EIF4G2: variants seen among roughly 807,000 people sequenced by gnomAD.
EIF4G2 encodes the protein DAP-5.
EIF4G2 carries 8 observed loss-of-function variants against 117.7 expected under a neutral mutation model. The ratio of observed to expected loss-of-function variants is 0.07; its 90% CI spans 0.04 to 0.12. The LOEUF (loss-of-function observed/expected upper bound fraction) is 0.12, where lower values mean the gene tolerates loss of function less well. Ranked by LOEUF, EIF4G2 falls within the 10% of genes least tolerant of loss-of-function variation. The pLI is 1.00. For missense variants in EIF4G2, 812 were observed against 1,086.2 expected (o/e 0.75, Z 3.55); for synonymous variants, 413 against 367.8 (o/e 1.12, Z -1.41).
intron 11 of EIF4G2, 138 bp downstream of exon 11, chr11:10,802,892 G>A (rs1847468527): frequency 2.4e-5 from 17 of 704,224 alleles, no homozygotes; most frequent in Non-Finnish European, 3.6e-5. Flanking sequence ...AAAAGTGGAA[G>A]ACGAGACACT....
Position 10,797,771 on chromosome 11 carries a change from A to G in EIF4G2, c.*45T>C. 2 of 1,594,030 alleles carry G rather than the reference A, an allele frequency of 1.3e-6. No homozygotes were observed. The highest frequency in any genetic ancestry group is 1.7e-6 in the Non-Finnish European group (2 of 1,163,166). Reference sequence around the variant, plus strand: ...TGGTTAGGTCAAATGCAGTTACATCATAGCAACAGTATGTTTTGCACAATT... The same window carrying G: ...TGGTTAGGTCAAATGCAGTTACATCGTAGCAACAGTATGTTTTGCACAATT... On this transcript the variant is annotated 3_prime_UTR_variant, in exon 22 of 22. Transcript: ENST00000339995. The surrounding 1 kb of genome is among the most constrained non-coding windows in gnomAD (Gnocchi z 4.5).
chr11:10,802,487 T>C, intron 11 of EIF4G2, 52 bp from the exon 12 acceptor site: 1 of 1,484,468 alleles, frequency 6.7e-7, no homozygotes, highest in South Asian at 1.4e-5. Flanking sequence ...CTATTTCACT[T>C]AAAACTAAAA....
At position 10,807,268 on chromosome 11, in the gene EIF4G2, C is replaced by T. The variant is rs1438269954; in HGVS notation, c.28G>A (p.Ala10Thr). The T allele has an allele frequency of 1.9e-6, 3 of 1,611,294 alleles. No homozygotes were observed. Among genetic ancestry groups the T allele is most frequent in the Non-Finnish European group, 1.7e-6 (2 of 1,179,238 alleles). The change falls in exon 2 of 22, where the codon GCT (alanine) becomes ACT (threonine). Residue 10 changes from alanine to threonine, a missense_variant. Physicochemically the swap from Ala to Thr is moderately conservative, Grantham distance 58. Around this residue, in one of 4 missense-constraint regions of EIF4G2, gnomAD observed 79 missense variants for 91.5 expected, o/e 0.86. Transcript: ENST00000339995. ...ATCTACAAGTACCTGAAACGAGAAG[C>T]ACCCCCTTCTGCAATCGCACTCTCC...
chr11:10,806,778 C>T (rs536897113), intron 3 of EIF4G2, 42 bp downstream of exon 3: 6 of 1,601,752 alleles, frequency 3.7e-6, no homozygotes, highest in Non-Finnish European at 4.3e-6. Flanking sequence ...GACTTTTAAT[C>T]TGTTAAATAA....
chr11:10,802,912 A>C (rs1395452403), intron 11 of EIF4G2, 118 bp downstream of exon 11: 1 of 818,826 alleles, frequency 1.2e-6, no homozygotes, highest in Non-Finnish European at 1.9e-6. Context: ...TAAAAACATT[A>C]AGCTCCACCA....
intron 21 of EIF4G2, 121 bp downstream of exon 21, chr11:10,798,871 G>GT (rs1416393096): frequency 8.6e-7 from 1 of 1,163,166 alleles, no homozygotes; most frequent in Non-Finnish European, 1.2e-6. Context: ...AAATGTACAG[G>GT]TGAAGACAAA....
rs1847557264 is a variant in EIF4G2, at chr11:10,805,989, T to G, written c.166A>C (p.Thr56Pro). Reference sequence around the variant, plus strand: ...GCTGCGGAGTTGTCATCTCGTCTAGTGCTTCGTGCAGGAATCCATTTCTGA... The same window carrying G: ...GCTGCGGAGTTGTCATCTCGTCTAGGGCTTCGTGCAGGAATCCATTTCTGA... The change falls in exon 4 of 22, where the codon ACT (threonine) becomes CCT (proline). Residue 56 changes from threonine (T) to proline (P), a missense_variant. Physicochemically the swap from Thr to Pro is conservative, Grantham distance 38. Around this residue, in one of 4 missense-constraint regions of EIF4G2, gnomAD observed 79 missense variants for 91.5 expected, o/e 0.86. Transcript: ENST00000339995. 6.2e-7 allele frequency: 1 copy of G among 1,614,138 alleles called. No homozygotes were observed. Among genetic ancestry groups the G allele is most frequent in the Non-Finnish European group, 8.5e-7 (1 of 1,180,038 alleles).
At chr11:10,805,340 T>C (rs1373802566) in intron 4 of EIF4G2, among the ~76,000 whole-genome samples, 1 of 152,210 alleles carries the variant, frequency 6.6e-6, no homozygotes, top group Admixed American at 6.5e-5. Flanking sequence ...TTAAATAACA[T>C]AGCACTTCCC....
rs937130759 is a variant in EIF4G2, at chr11:10,807,590, A to G, written c.-86-209T>C. On this transcript the variant is annotated intron_variant, in intron 1 of 21. Transcript: ENST00000339995. Reference sequence around the variant, plus strand: ...GTTCAAGGATGCAAAGAGACTTCGTAGAACACAAGAGCATTTTAAACGGCT... The same window carrying G: ...GTTCAAGGATGCAAAGAGACTTCGTGGAACACAAGAGCATTTTAAACGGCT... 48 of 1,203,866 alleles carry G rather than the reference A, an allele frequency of 4.0e-5. No individual in the cohort carries two copies. The Middle Eastern group carries it at 1.3e-3, about 33-fold the overall frequency. The allele number at this position is 1,203,866 out of a possible 1,614,324, so 74.6% of individuals were successfully genotyped here.
chr11:10,806,267 G>A (rs1847566042), intron 3 of EIF4G2: 6 of 602,304 alleles, frequency 1.0e-5, no homozygotes, highest in East Asian at 2.9e-5. Context: ...TGCTTTCACT[G>A]GTTTGGGGTG....
rs1847670545 is a variant in EIF4G2 at position 10,808,707 on chromosome 11, TCAC to T, written c.-92_-90del. The T allele has an allele frequency of 5.3e-6, 1 of 189,194 alleles. No homozygotes were observed. Among genetic ancestry groups the T allele is most frequent in the Non-Finnish European group, 1.1e-5 (1 of 89,788 alleles). The allele number at this position is 189,194 out of a possible 1,614,324, so 11.7% of individuals were successfully genotyped here. On this transcript the variant is annotated 5_prime_UTR_variant, in exon 1 of 22. Coordinates refer to ENST00000339995, the MANE Select transcript of EIF4G2 (RefSeq NM_001418.4). Reference sequence around the variant, plus strand: ...GCGGCGGCAGCGGCTCAACTCACCTTCACCGAGAACTCAGCAGCTGCCACCGCA... The same window carrying T: ...GCGGCGGCAGCGGCTCAACTCACCTTCGAGAACTCAGCAGCTGCCACCGCA...
In EIF4G2 at chr11:10,807,035, A is replaced by G. The variant is rs957279225; in HGVS notation, c.42-150T>C. ...GCCAGGCCTGTATTTTAGTGCTTGT[A>G]TATTATGCTACAAATGAAGACTGAA... On this transcript the variant is annotated intron_variant, in intron 2 of 21. Transcript: ENST00000339995. 30 of 1,110,506 alleles carry G rather than the reference A, an allele frequency of 2.7e-5. No homozygotes were observed. In the Middle Eastern group the frequency reaches 1.2e-3, roughly 43 times the overall value. The allele number at this position is 1,110,506 out of a possible 1,614,324, so 68.8% of individuals were successfully genotyped here. A position where few individuals can be genotyped will look rare whatever the true frequency, so the allele number is the denominator to read the frequency against.
At chr11:10,808,325 C>G (rs1375643465) in intron 1 of EIF4G2, 1 of 1,207,360 alleles carries the variant, frequency 8.3e-7, no homozygotes, top group Non-Finnish European at 1.0e-6. Flanking sequence ...TCCCTGGTCC[C>G]GCGCCAACGG....
At chr11:10,800,048 T>C (rs1356803847) in intron 18 of EIF4G2, 42 bp downstream of exon 18, 14 of 1,590,044 alleles carry the variant, frequency 8.8e-6, no homozygotes, top group Non-Finnish European at 1.0e-5. Flanking sequence ...TCTCTAGATA[T>C]AATATTAAAA....
rs201185548 is a variant in EIF4G2, at chr11:10,804,070, A to G, written c.551-20T>C. 4,298 of 1,612,922 alleles carry G rather than the reference A, an allele frequency of 2.7e-3. 16 individuals carry two copies. The highest frequency in any genetic ancestry group is 3.2e-3 in the Non-Finnish European group (3,762 of 1,179,068). On this transcript the variant is annotated intron_variant, in intron 7 of 21. Transcript: ENST00000339995. ...CATAGACTGAAAAAGATACCAATGA[A>G]GTAAGCCAACATTCAGAATTAAGCT...
Position 10,803,722 on chromosome 11 carries a change from C to G in EIF4G2, c.703-132G>C. 1 of 1,115,600 alleles carries G rather than the reference C, an allele frequency of 9.0e-7. No homozygotes were observed. The highest frequency in any genetic ancestry group is 2.1e-4 in the Middle Eastern group (1 of 4,730). The allele number at this position is 1,115,600 out of a possible 1,614,324, so 69.1% of individuals were successfully genotyped here. On this transcript the variant is annotated intron_variant, in intron 8 of 21. Coordinates refer to ENST00000339995, the MANE Select transcript of EIF4G2 (RefSeq NM_001418.4). This position sits in a 1 kb window ranked among gnomAD's most constrained non-coding sequence, Gnocchi z 4.0. Reference sequence around the variant, plus strand: ...ATCTAGTATAGGGCTTTCTACCAGTCTGGTTGATCAGTTCTAACTCTACTT... The same window carrying G: ...ATCTAGTATAGGGCTTTCTACCAGTGTGGTTGATCAGTTCTAACTCTACTT...
At position 10,803,991 on chromosome 11, in the gene EIF4G2, T is replaced by C; in HGVS notation, c.610A>G (p.Lys204Glu). The C allele has an allele frequency of 6.2e-7, 1 of 1,614,196 alleles. No homozygotes were observed. The highest frequency in any genetic ancestry group is 8.5e-7 in the Non-Finnish European group (1 of 1,180,040). The stretch of plus-strand genomic sequence containing the variant: ...TTGATGTTTCCCAACATCTTGATCT[T>C]AGCAATGGCTCTCTGTTCCTCCTCC... The change falls in exon 8 of 22, where the codon AAG (lysine) becomes GAG (glutamate). Residue 204 changes from lysine (K) to glutamate (E), a missense_variant. By Grantham distance (56) the Lys-to-Glu change is moderately conservative. Around this residue, in one of 4 missense-constraint regions of EIF4G2, gnomAD observed 154 missense variants for 322.1 expected, o/e 0.48. Coordinates refer to ENST00000339995, the MANE Select transcript of EIF4G2 (RefSeq NM_001418.4). This position sits in a 1 kb window ranked among gnomAD's most constrained non-coding sequence, Gnocchi z 4.0.
intron 4 of EIF4G2, 65 bp downstream of exon 4, chr11:10,805,842 C>T (rs986402791): frequency 6.8e-6 from 11 of 1,608,208 alleles, no homozygotes; most frequent in Non-Finnish European, 9.4e-6. Context: ...AGTAATACAG[C>T]ACACACACCA....
Position 10,801,691 on chromosome 11 carries a change from A to G in EIF4G2, c.1383T>C (p.Phe461=). ...CTGCATTAAGCTGTCCTTTCTTAGA[A>G]AACCGAGGTGGCATATCCTTCGACT... The change falls in exon 14 of 22, where the codon TTT becomes TTC. Residue 461 remains phenylalanine, a synonymous_variant. Transcript: ENST00000339995. The G allele has an allele frequency of 1.2e-6, 2 of 1,614,194 alleles. No individual in the cohort carries two copies. The highest frequency in any genetic ancestry group is 1.7e-5 in the Admixed American group (1 of 60,022).
Sources: allele counts gnomAD v4.1 joint callset (sites outside exome capture counted in the v4.1 genomes callset), GRCh38; gene constraint gnomAD v4.1.1; regional missense constraint gnomAD v4.1.1; non-coding constraint Gnocchi (gnomAD v3.1); transcripts MANE v1.5; gene names NCBI Gene and HGNC (gene_info 2026-07-23, HGNC 2026-07-21).